The following PTPRT variants were observed in gnomAD, a reference collection of about 807,000 sequenced individuals.
PTPRT encodes the protein protein tyrosine phosphatase receptor type T.
PTPRT carries 56 observed loss-of-function variants against 176.8 expected under a neutral mutation model. The observed-to-expected ratio is 0.32, with a 90% CI of 0.26 to 0.40. The LOEUF (loss-of-function observed/expected upper bound fraction) is 0.40, where lower values mean the gene tolerates loss of function less well. Among genes scored for constraint, PTPRT ranks in the 10% least tolerant of loss-of-function variants. The pLI is 1.00. For synonymous variants in PTPRT, 783 were observed against 739.0 expected (o/e 1.06, Z -0.96); for missense variants, 1,540 against 1,908.2 (o/e 0.81, Z 3.60).
chr20:43,062,150 G>A (rs1375698447), intron 1 of PTPRT, among the ~76,000 whole-genome samples: 1 of 152,216 alleles, frequency 6.6e-6, no homozygotes, highest in Non-Finnish European at 1.5e-5. Context: ...AATGTTCTAT[G>A]CCTTGATCAG....
chr20:42,560,400 T>G (rs114726215), intron 7 of PTPRT, among the ~76,000 whole-genome samples: 1 of 152,136 alleles, frequency 6.6e-6, no homozygotes, highest in Non-Finnish European at 1.5e-5. Flanking sequence ...GCCAAACAAC[T>G]GTTTGTGATG....
chr20:42,694,103 A>C, intron 6 of PTPRT, among the ~76,000 whole-genome samples: 1 of 145,396 alleles, frequency 6.9e-6, no homozygotes, highest in Non-Finnish European at 1.5e-5. Context: ...CAGCGGCGCG[A>C]TCTCAGCTCA....
chr20:42,341,257 A>G (rs2058107042), intron 11 of PTPRT, among the ~76,000 whole-genome samples: 1 of 151,992 alleles, frequency 6.6e-6, no homozygotes. Context: ...CTGAACAGCA[A>G]CCTTCACATT....
At chr20:42,067,278 C>T in the PTPRT span, among the ~76,000 whole-genome samples, 1 of 152,176 alleles carries the variant, frequency 6.6e-6, no homozygotes, top group East Asian at 1.9e-4. Flanking sequence ...GGAGCTTCAT[C>T]AACCCTGGGA....
At chr20:42,469,608 T>C (rs1176323094) in intron 8 of PTPRT, among the ~76,000 whole-genome samples, 1 of 152,180 alleles carries the variant, frequency 6.6e-6, no homozygotes, top group Non-Finnish European at 1.5e-5. Context: ...CGCACAATTC[T>C]ACCTGCTGGA....
At chr20:42,988,654 T>C (rs1983730548) in intron 1 of PTPRT, among the ~76,000 whole-genome samples, 1 of 152,200 alleles carries the variant, frequency 6.6e-6, no homozygotes, top group African/African-American at 2.4e-5. Context: ...TATTAGATGC[T>C]TCTCCCAGGC....
At chr20:42,243,863 G>A (rs6102747) in intron 14 of PTPRT, among the ~76,000 whole-genome samples, 3 of 152,126 alleles carry the variant, frequency 2.0e-5, no homozygotes, top group Non-Finnish European at 2.9e-5. Flanking sequence ...ATGATTATTA[G>A]GAATATTAAA....
chr20:43,131,738 T>A (rs1421733278), intron 1 of PTPRT, among the ~76,000 whole-genome samples: 1 of 152,152 alleles, frequency 6.6e-6, no homozygotes, highest in Non-Finnish European at 1.5e-5. Flanking sequence ...AAGTAACTTA[T>A]GAACATAAAC....
intron 11 of PTPRT, among the ~76,000 whole-genome samples, chr20:42,320,089 C>T (rs994110340): frequency 1.3e-5 from 2 of 152,118 alleles, no homozygotes; most frequent in African/African-American, 4.8e-5. Context: ...ATTACTTATG[C>T]CAAGGATCTC....
Position 42,784,733 on chromosome 20 carries a change from A to G in PTPRT, c.487-4434T>C, listed in dbSNP as rs1159939841. The stretch of plus-strand genomic sequence containing the variant: ...AATTTCAGGGGCCTATATAGCGATA[A>G]TAACTACCAAATAAAAGATAATTTT... On this transcript the variant is annotated intron_variant, in intron 3 of 30. Coordinates refer to ENST00000373187, the MANE Select transcript of PTPRT (RefSeq NM_007050.6). 5.4e-5 allele frequency among the ~76,000 whole-genome samples: 7 copies of G among 128,596 alleles called. 1 individual carries two copies. Among genetic ancestry groups the G allele is most frequent in the Non-Finnish European group, 1.1e-4 (6 of 54,088 alleles). The allele number at this position is 128,596 out of a possible 152,430, so 84.4% of individuals were successfully genotyped here. A position where few individuals can be genotyped will look rare whatever the true frequency, so the allele number is the denominator to read the frequency against.
At chr20:42,910,190 T>C (rs1435821155) in intron 1 of PTPRT, among the ~76,000 whole-genome samples, 1 of 151,990 alleles carries the variant, frequency 6.6e-6, no homozygotes, top group Non-Finnish European at 1.5e-5. Context: ...CGCTTGGGAG[T>C]TCAAAACTGT....
intron 6 of PTPRT, among the ~76,000 whole-genome samples, chr20:42,699,413 A>G (rs1445028831): frequency 6.6e-6 from 1 of 152,190 alleles, no homozygotes; most frequent in Non-Finnish European, 1.5e-5. Flanking sequence ...GAGATTAAAT[A>G]AGGTGCACAC....
chr20:42,118,428 A>C lies in PTPRT; in HGVS notation c.2957T>G (p.Val986Gly). The C allele has an allele frequency of 6.2e-7, 1 of 1,613,100 alleles. No individual in the cohort carries two copies. The highest frequency in any genetic ancestry group is 8.5e-7 in the Non-Finnish European group (1 of 1,179,430). The change falls in exon 21 of 31, where the codon GTC (valine) becomes GGC (glycine). Residue 986 changes from valine to glycine, a missense_variant. By Grantham distance (109) the Val-to-Gly change is moderately radical (BLOSUM62 -3). This residue lies in a region of PTPRT where 248 missense variants were observed against 356.7 expected (regional missense o/e 0.70). Transcript: ENST00000373187. ...WQENSASIVM[V>G]TNLVEVGRVK... Reference sequence around the variant, plus strand: ...CCTGCCCACTTCCACCAGGTTTGTGACCATGACGATGCTGGCGGAGTTCTC... The same window carrying C: ...CCTGCCCACTTCCACCAGGTTTGTGCCCATGACGATGCTGGCGGAGTTCTC...
chr20:42,181,052 G>A lies in PTPRT; in HGVS notation c.2491+18188C>T, dbSNP rs145419668. On this transcript the variant is annotated intron_variant, in intron 16 of 30. Transcript: ENST00000373187. ...GATTAAATGATATAACGTATGCACA[G>A]CATCTAGCATAGTCCTTGGCACACA... 2.5e-3 allele frequency among the ~76,000 whole-genome samples: 380 copies of A among 152,278 alleles called. 8 individuals carry two copies. The East Asian group carries it at 0.047, about 19-fold the overall frequency.
At chr20:42,546,104 A>G (rs914140166) in intron 7 of PTPRT, among the ~76,000 whole-genome samples, 2 of 152,152 alleles carry the variant, frequency 1.3e-5, no homozygotes, top group Non-Finnish European at 1.5e-5. Context: ...TTCTTCAAGA[A>G]CTTTCCATTT....
intron 1 of PTPRT, among the ~76,000 whole-genome samples, chr20:42,925,906 G>T (rs1979452673): frequency 6.6e-6 from 1 of 152,200 alleles, no homozygotes; most frequent in African/African-American, 2.4e-5. Context: ...GTACTGCACA[G>T]TCCCTTTGCA....
In PTPRT at chr20:42,315,983, C is replaced by T. The variant is rs2057715708; in HGVS notation, c.1879G>A (p.Val627Ile). ...RGAPVSVYQL[V>I]VKEERLQKSR... ...TTCTGAAGTCGCTCCTCCTTGACAACCAGCTGATAAACACTGGACAGGAAA... is the reference window on the plus strand; with the variant it reads ...TTCTGAAGTCGCTCCTCCTTGACAATCAGCTGATAAACACTGGACAGGAAA... The change falls in exon 12 of 31, where the codon GTT (valine) becomes ATT (isoleucine). Residue 627 changes from valine (V) to isoleucine (I), a missense_variant. Val to Ile is a conservative substitution (Grantham distance 29, BLOSUM62 3). Transcript: ENST00000373187. The T allele has an allele frequency of 6.2e-7, 1 of 1,613,982 alleles. No homozygotes were observed. Among genetic ancestry groups the T allele is most frequent in the South Asian group, 1.1e-5 (1 of 91,072 alleles).
chr20:42,376,901 A>T (rs1157018095), intron 9 of PTPRT, among the ~76,000 whole-genome samples: 1 of 152,214 alleles, frequency 6.6e-6, no homozygotes, highest in Non-Finnish European at 1.5e-5. Flanking sequence ...GTCAAGCTTC[A>T]CAAAACTGTG....
rs1216278828 is a variant in PTPRT at position 42,184,552 on chromosome 20, CTTCTTCTTA to C, written c.2491+14679_2491+14687del. Among the ~76,000 whole-genome samples, 347 of 115,294 alleles carry C rather than the reference CTTCTTCTTA, an allele frequency of 3.0e-3. 19 individuals are homozygous for C. The highest frequency in any genetic ancestry group is 9.9e-3 in the East Asian group (37 of 3,754). 75.6% of individuals were successfully genotyped at this position (115,294 alleles called of 152,430 possible). ...TCTTCTTCCTCTTCCTCTTCTTCTT[CTTCTTCTTA>C]TTCTTCTTCTTCTTCTTCTTCTTCT... On this transcript the variant is annotated intron_variant, in intron 16 of 30. Coordinates refer to ENST00000373187, the MANE Select transcript of PTPRT (RefSeq NM_007050.6).
Sources: gnomAD v4.1 joint callset for allele counts (sites outside exome capture counted in the v4.1 genomes callset) on GRCh38, gnomAD v4.1.1 for gene constraint, gnomAD v4.1.1 regional missense constraint, MANE v1.5 for transcripts, NCBI Gene and HGNC (gene_info 2026-07-23, HGNC 2026-07-21) for gene names.